FNBP1L: variants seen among roughly 807,000 people sequenced by gnomAD.
The protein encoded by FNBP1L is formin-binding protein 1-like.
Under a neutral mutation model 91.2 loss-of-function variants are expected in FNBP1L, and 36 were observed. The observed-to-expected ratio is 0.39, with a 90% CI of 0.30 to 0.52. The LOEUF (loss-of-function observed/expected upper bound fraction) is 0.52, where lower values mean the gene tolerates loss of function less well. FNBP1L is among the 20% of genes least tolerant of loss of function. The pLI is 0.66. For missense variants in FNBP1L, 571 were observed against 732.1 expected (o/e 0.78, Z 2.54); for synonymous variants, 242 against 237.0 (o/e 1.02, Z -0.19).
At chr1:93,501,255 T>C (rs1037060674) in intron 2 of FNBP1L, among the ~76,000 whole-genome samples, 1 of 152,102 alleles carries the variant, frequency 6.6e-6, no homozygotes, top group Non-Finnish European at 1.5e-5. Context: ...ATTACAAAAA[T>C]AGATGAAATT....
At chr1:93,522,291 T>C (rs1464272070) in intron 3 of FNBP1L, among the ~76,000 whole-genome samples, 156 bp downstream of exon 3, 1 of 152,142 alleles carries the variant, frequency 6.6e-6, no homozygotes, top group Non-Finnish European at 1.5e-5. Flanking sequence ...CTGTTTATCT[T>C]TTATGAGGAT....
chr1:93,455,003 A>G (rs1668611157), intron 1 of FNBP1L, among the ~76,000 whole-genome samples: 1 of 152,102 alleles, frequency 6.6e-6, no homozygotes. Context: ...ATCTTGGCTC[A>G]CTGCAAGCTC....
intron 11 of FNBP1L, 66 bp from the exon 12 acceptor site, chr1:93,544,041 C>A: frequency 8.9e-7 from 1 of 1,122,060 alleles, no homozygotes; most frequent in Non-Finnish European, 1.2e-6. Flanking sequence ...TATTTTATAG[C>A]AGGTATATTT....
chr1:93,549,130 T>C, intron 14 of FNBP1L, 148 bp from the exon 15 acceptor site: 1 of 548,490 alleles, frequency 1.8e-6, no homozygotes, highest in South Asian at 4.5e-5. Flanking sequence ...ATTTGTATAC[T>C]TGACATTTGA....
intron 7 of FNBP1L, among the ~76,000 whole-genome samples, chr1:93,532,526 A>T (rs961626657): frequency 1.3e-4 from 6 of 45,638 alleles, no homozygotes; most frequent in Admixed American, 1.2e-3. Context: ...CAGTTGCTTT[A>T]AAAAAAAAAA....
chr1:93,549,758 C>T (rs1672349257), intron 15 of FNBP1L, among the ~76,000 whole-genome samples: 1 of 152,324 alleles, frequency 6.6e-6, no homozygotes, highest in South Asian at 2.1e-4. Flanking sequence ...ACATGTAGCT[C>T]AACCCAGGAA....
intron 2 of FNBP1L, among the ~76,000 whole-genome samples, chr1:93,520,116 ATATTACAATTAT>A (rs1671272646): frequency 2.6e-5 from 4 of 152,180 alleles, no homozygotes; most frequent in Non-Finnish European, 4.4e-5. Context: ...ACCATGCAGT[ATATTACAATTAT>A]TGGTATATAC....
chr1:93,516,558 G>A (rs1485208998), intron 2 of FNBP1L, among the ~76,000 whole-genome samples: 1 of 152,150 alleles, frequency 6.6e-6, no homozygotes, highest in African/African-American at 2.4e-5. Flanking sequence ...GCTCACGCTT[G>A]TGATCCCAGC....
In FNBP1L at chr1:93,523,406, G is replaced by A. The variant is rs1557808921; in HGVS notation, c.257G>A (p.Arg86Gln). The A allele has an allele frequency of 1.2e-6, 2 of 1,609,896 alleles. No individual in the cohort carries two copies. The highest frequency in any genetic ancestry group is 1.7e-6 in the Non-Finnish European group (2 of 1,177,898). ...LNELNDYAGQ[R>Q]EVVAEEMAHR... Reference sequence around the variant, plus strand: ...GAGTTAAATGACTATGCAGGACAGCGAGAAGTTGTAGCAGAAGAAATGGCG... The same window carrying A: ...GAGTTAAATGACTATGCAGGACAGCAAGAAGTTGTAGCAGAAGAAATGGCG... Residue 86 changes from arginine (R) to glutamine (Q), a missense_variant, in exon 4 of 17, where the codon CGA becomes CAA. Around this residue, in one of 5 missense-constraint regions of FNBP1L, gnomAD observed 220 missense variants for 313.6 expected, o/e 0.70. Coordinates refer to ENST00000271234, the MANE Select transcript of FNBP1L (RefSeq NM_001164473.3).
chr1:93,533,206 A>G (rs1010026415), intron 8 of FNBP1L, 138 bp downstream of exon 8: 3 of 592,730 alleles, frequency 5.1e-6, no homozygotes, highest in South Asian at 5.4e-5. Flanking sequence ...ATGTCTTGCA[A>G]TAGATTCCTT....
intron 2 of FNBP1L, among the ~76,000 whole-genome samples, chr1:93,509,408 T>A (rs1670741006): frequency 6.6e-6 from 1 of 152,152 alleles, no homozygotes; most frequent in African/African-American, 2.4e-5. Flanking sequence ...CATGCAGAAT[T>A]GGCCACGTCG....
chr1:93,533,161 C>A (rs920851196), intron 8 of FNBP1L, 93 bp downstream of exon 8: 1 of 1,078,900 alleles, frequency 9.3e-7, no homozygotes, highest in Non-Finnish European at 1.3e-6. Context: ...ATAAAGTAAT[C>A]TGATGTGTGG....
chr1:93,495,068 A>G (rs1456992547), intron 1 of FNBP1L, among the ~76,000 whole-genome samples: 1 of 152,230 alleles, frequency 6.6e-6, no homozygotes, highest in African/African-American at 2.4e-5. Context: ...AACGGTATCA[A>G]TCATTAGCAC....
chr1:93,490,446 T>C (rs1265633412), intron 1 of FNBP1L, among the ~76,000 whole-genome samples: 1 of 152,138 alleles, frequency 6.6e-6, no homozygotes, highest in East Asian at 1.9e-4. Flanking sequence ...CTTTCTTGAG[T>C]TTACATATAA....
At chr1:93,487,660 A>G (rs1003122087) in intron 1 of FNBP1L, among the ~76,000 whole-genome samples, 3 of 152,206 alleles carry the variant, frequency 2.0e-5, no homozygotes, top group African/African-American at 4.8e-5. Flanking sequence ...CTAACTAGCC[A>G]TAAACGCCCT....
intron 16 of FNBP1L, chr1:93,551,873 A>AT: frequency 1.0e-6 from 1 of 985,406 alleles, no homozygotes; most frequent in Non-Finnish European, 1.2e-6. Context: ...CATCTTGAAA[A>AT]TATCTTTTGG....
chr1:93,513,682 C>G (rs1374227254), intron 2 of FNBP1L, among the ~76,000 whole-genome samples: 9 of 152,156 alleles, frequency 5.9e-5, no homozygotes, highest in Non-Finnish European at 2.9e-5. Flanking sequence ...ATGATTATCT[C>G]AATAGATGCA....
At chr1:93,481,593 G>A (rs1045643772) in intron 1 of FNBP1L, among the ~76,000 whole-genome samples, 1 of 152,092 alleles carries the variant, frequency 6.6e-6, no homozygotes, top group Non-Finnish European at 1.5e-5. Flanking sequence ...TGAACATACG[G>A]TAAAATTCAA....
chr1:93,464,228 C>G (rs1435657168), intron 1 of FNBP1L, among the ~76,000 whole-genome samples: 2 of 152,154 alleles, frequency 1.3e-5, no homozygotes, highest in South Asian at 2.1e-4. Context: ...AGCATATACC[C>G]AAAGAATTGA....
Sources: allele counts gnomAD v4.1 joint callset (sites outside exome capture counted in the v4.1 genomes callset), GRCh38; gene constraint gnomAD v4.1.1; regional missense constraint gnomAD v4.1.1; transcripts MANE v1.5; gene names NCBI Gene and HGNC (gene_info 2026-07-23, HGNC 2026-07-21).